RGSL1: variants seen among roughly 807,000 people sequenced by gnomAD.
The protein encoded by RGSL1 is regulator of G protein signaling protein-like.
Under a neutral mutation model 124.7 loss-of-function variants are expected in RGSL1, and 97 were observed. That is an observed-to-expected ratio of 0.78 (90% CI 0.66 to 0.92). The LOEUF (loss-of-function observed/expected upper bound fraction) is 0.92, where lower values mean the gene tolerates loss of function less well. RGSL1 is among the 40% of genes least tolerant of loss of function. The pLI is 0.00. For missense variants in RGSL1, 1,233 were observed against 1,288.4 expected, an observed-to-expected ratio of 0.96 and a Z score of 0.66; for synonymous variants, 424 against 438.1, an observed-to-expected ratio of 0.97 and a Z score of 0.40.
intron 6 of RGSL1, among the ~76,000 whole-genome samples, chr1:182,486,310 ATTTTTTT>A (rs544790840): frequency 7.3e-6 from 1 of 137,794 alleles, no homozygotes; most frequent in Non-Finnish European, 1.6e-5. Flanking sequence ...TAGAGTCATA[ATTTTTTT>A]TTTTTTTTTT....
intron 21 of RGSL1, among the ~76,000 whole-genome samples, chr1:182,559,210 T>A (rs1224267809): frequency 5.9e-5 from 9 of 152,184 alleles, no homozygotes; most frequent in Non-Finnish European, 8.8e-5. Context: ...GCCCCTAGCT[T>A]CTCCTCTAAT....
At chr1:182,453,459 G>A (rs1301653627) in intron 1 of RGSL1, 1 of 154,348 alleles carries the variant, frequency 6.5e-6, no homozygotes, top group African/African-American at 2.4e-5. Flanking sequence ...TTTCAGTTGT[G>A]AGTACCACTC....
intron 15 of RGSL1, among the ~76,000 whole-genome samples, chr1:182,543,375 A>C (rs1354773837): frequency 6.6e-6 from 1 of 152,126 alleles, no homozygotes; most frequent in Non-Finnish European, 1.5e-5. Context: ...ATGTTGAATC[A>C]CCCTTGTATT....
At chr1:182,458,867 C>T (rs1184455503) in intron 3 of RGSL1, among the ~76,000 whole-genome samples, 1 of 152,204 alleles carries the variant, frequency 6.6e-6, no homozygotes, top group Admixed American at 6.5e-5. Flanking sequence ...GTGAGTAGAA[C>T]AGACAGCATC....
At chr1:182,514,984 G>A (rs573858388) in intron 9 of RGSL1, among the ~76,000 whole-genome samples, 1 of 152,310 alleles carries the variant, frequency 6.6e-6, no homozygotes, top group Admixed American at 6.5e-5. Flanking sequence ...GAAAGTAGAA[G>A]TGTCCCTCAT....
intron 14 of RGSL1, among the ~76,000 whole-genome samples, chr1:182,536,583 C>T (rs1659554682): frequency 6.6e-6 from 1 of 152,114 alleles, no homozygotes; most frequent in Non-Finnish European, 1.5e-5. Context: ...GCTTGCTTGA[C>T]ATATTAGTCC....
At chr1:182,514,233 A>G (rs1014499599) in intron 9 of RGSL1, among the ~76,000 whole-genome samples, 6 of 152,148 alleles carry the variant, frequency 3.9e-5, no homozygotes, top group African/African-American at 1.4e-4. Context: ...TATCATGGAT[A>G]GCTTGCTGTA....
intron 21 of RGSL1, among the ~76,000 whole-genome samples, chr1:182,558,405 T>G (rs1240582520): frequency 6.6e-6 from 1 of 152,188 alleles, no homozygotes; most frequent in Non-Finnish European, 1.5e-5. Flanking sequence ...TACCAGAAAC[T>G]TAGTGGCTTA....
At position 182,551,185 on chromosome 1, in the gene RGSL1, G is replaced by C; in HGVS notation, c.3019G>C (p.Asp1007His). The change falls in exon 18 of 22, where the codon GAC (aspartate) becomes CAC (histidine). Residue 1007 changes from aspartate (D) to histidine (H), a missense_variant. Transcript: ENST00000294854. Reference sequence around the variant, plus strand: ...CAGAAAAAGCCCTCCTAAATCTACGGACAAGTATCCTTTCTCGAGTGGAGG... The same window carrying C: ...CAGAAAAAGCCCTCCTAAATCTACGCACAAGTATCCTTTCTCGAGTGGAGG... Reference protein sequence around the residue: ...KDRKSPPKSTDKYPFSSGGDN... With the variant: ...KDRKSPPKSTHKYPFSSGGDN... 6.4e-7 allele frequency: 1 copy of C among 1,551,444 alleles called. No individual in the cohort carries two copies. Among genetic ancestry groups the C allele is most frequent in the Non-Finnish European group, 8.7e-7 (1 of 1,146,788 alleles).
intron 4 of RGSL1, among the ~76,000 whole-genome samples, 164 bp from the exon 5 acceptor site, chr1:182,472,232 C>T (rs115848807): frequency 0.018 from 2,787 of 152,260 alleles, 92 homozygotes; most frequent in African/African-American, 0.064. Context: ...AATTCTCCCC[C>T]ACAGTAGAAC....
intron 9 of RGSL1, among the ~76,000 whole-genome samples, chr1:182,498,809 TGAGAC>T (rs1656133583): frequency 6.6e-6 from 1 of 151,572 alleles, no homozygotes; most frequent in Non-Finnish European, 1.5e-5. Context: ...TGTTTTTTTT[TGAGAC>T]AGAGTCTTGC....
At chr1:182,554,413 T>A (rs1482604001) in intron 19 of RGSL1, among the ~76,000 whole-genome samples, 1 of 152,176 alleles carries the variant, frequency 6.6e-6, no homozygotes, top group Non-Finnish European at 1.5e-5. Context: ...AGATGAAAGG[T>A]TTCCTGGGAC....
chr1:182,522,815 TCTTGA>T, intron 10 of RGSL1, among the ~76,000 whole-genome samples: 1 of 152,332 alleles, frequency 6.6e-6, no homozygotes, highest in South Asian at 2.1e-4. Flanking sequence ...TTTTCCAACT[TCTTGA>T]CTTGACTATA....
intron 9 of RGSL1, among the ~76,000 whole-genome samples, chr1:182,496,687 A>T (rs1571571558): frequency 6.6e-6 from 1 of 152,120 alleles, no homozygotes; most frequent in East Asian, 1.9e-4. Context: ...ATACTTTCCC[A>T]CTCTGGGTCC....
intron 4 of RGSL1, among the ~76,000 whole-genome samples, chr1:182,465,609 A>C (rs1302638170): frequency 6.6e-6 from 1 of 152,042 alleles, no homozygotes; most frequent in East Asian, 1.9e-4. Flanking sequence ...CTTAAAATAT[A>C]ATAATAATAA....
chr1:182,557,684 C>T (rs1660939120), intron 21 of RGSL1, among the ~76,000 whole-genome samples: 1 of 152,154 alleles, frequency 6.6e-6, no homozygotes, highest in South Asian at 2.1e-4. Context: ...CATGGTTATA[C>T]TCATGTGTAG....
At chr1:182,460,735 G>C (rs907978000) in intron 4 of RGSL1, 20 of 455,880 alleles carry the variant, frequency 4.4e-5, no homozygotes, top group Middle Eastern at 3.2e-4. Context: ...GACAACAATT[G>C]TACTGGCAGA....
At position 182,474,175 on chromosome 1, in the gene RGSL1, T is replaced by A; in HGVS notation, c.1064T>A (p.Met355Lys). The A allele has an allele frequency of 6.4e-7, 1 of 1,552,094 alleles. No individual in the cohort carries two copies. Among genetic ancestry groups the A allele is most frequent in the Non-Finnish European group, 8.7e-7 (1 of 1,147,064 alleles). ...VIPIVNHSSKMTIQKAIKQSF... is the reference protein window; with the variant it reads ...VIPIVNHSSKKTIQKAIKQSF... ...CCCATTGTCAATCACTCCTCCAAGA[T>A]GACAATTCAGAAGGCCATCAAGCAA... The change falls in exon 6 of 22, where the codon ATG becomes AAG. Residue 355 changes from methionine to lysine, a missense_variant. Coordinates refer to ENST00000294854, the MANE Select transcript of RGSL1 (RefSeq NM_001137669.2).
chr1:182,454,050 C>T lies in RGSL1; in HGVS notation c.96+10C>T, dbSNP rs1193327867. 1 of 1,455,618 alleles carries T rather than the reference C, an allele frequency of 6.9e-7. No homozygotes were observed. The highest frequency in any genetic ancestry group is 1.7e-4 in the Middle Eastern group (1 of 5,816). 90.2% of individuals were successfully genotyped at this position (1,455,618 alleles called of 1,614,324 possible). On this transcript the variant is annotated intron_variant, in intron 2 of 21. Coordinates refer to ENST00000294854, the MANE Select transcript of RGSL1 (RefSeq NM_001137669.2). ...ATTTCTTTCCCTCCCGGTAAGCATT[C>T]TCAGATTTAAATACAAATATTTCAT...
Sources: gnomAD v4.1 joint callset for allele counts (sites outside exome capture counted in the v4.1 genomes callset) on GRCh38, gnomAD v4.1.1 for gene constraint, MANE v1.5 for transcripts, NCBI Gene and HGNC (gene_info 2026-07-23, HGNC 2026-07-21) for gene names.